Variants in EML5 observed in about 807,000 individuals in gnomAD.
EML5 encodes echinoderm microtubule-associated protein-like 5.
In EML5, 120 loss-of-function variants were observed where a neutral mutation model predicts 250.0. The ratio of observed to expected loss-of-function variants is 0.48; its 90% CI spans 0.41 to 0.56. The LOEUF is 0.56. Ranked by LOEUF, EML5 falls within the 20% of genes least tolerant of loss-of-function variation. The pLI is 0.00. For missense variants in EML5, 2,006 were observed against 2,437.6 expected (o/e 0.82, Z 3.73); for synonymous variants, 771 against 806.5 (o/e 0.96, Z 0.75).
chr14:88,694,550 T>C (rs2093032395), intron 16 of EML5, 143 bp from the exon 17 acceptor site: 2 of 623,764 alleles, frequency 3.2e-6, no homozygotes, highest in Admixed American at 6.3e-5. Context: ...TGTGTATTTG[T>C]TCTTTTGTCA....
At chr14:88,634,876 G>C (rs1278548815) in intron 32 of EML5, among the ~76,000 whole-genome samples, 1 of 152,158 alleles carries the variant, frequency 6.6e-6, no homozygotes, top group Non-Finnish European at 1.5e-5. Flanking sequence ...CTCAAGAAAG[G>C]AAACAAGTTC....
rs767580041 is a variant in EML5 at position 88,661,692 on chromosome 14, C to T, written c.3637G>A (p.Asp1213Asn). 6 of 1,613,196 alleles carry T rather than the reference C, an allele frequency of 3.7e-6. No homozygotes were observed. The highest frequency in any genetic ancestry group is 3.3e-4 in the Middle Eastern group (2 of 6,054). ...SDKMVLATGD[D>N]LGFVKLFRYP... is the part of the protein sequence containing the mutation. ...CTAAATAACTTCACAAATCCCAAATCGTCCCCGGTAGCTAGAACCATTTTG... is the reference window on the plus strand; with the variant it reads ...CTAAATAACTTCACAAATCCCAAATTGTCCCCGGTAGCTAGAACCATTTTG... Residue 1213 changes from aspartate to asparagine, a missense_variant, in exon 25 of 44, where the codon GAT (aspartate) becomes AAT (asparagine). By Grantham distance (23) the Asp-to-Asn change is conservative. This residue lies in a region of EML5 where 1,375 missense variants were observed against 1,590.3 expected (regional missense o/e 0.86). Coordinates refer to ENST00000554922, the MANE Select transcript of EML5 (RefSeq NM_183387.3).
chr14:88,730,954 CG>C (rs879497126), intron 7 of EML5, among the ~76,000 whole-genome samples: 20 of 152,176 alleles, frequency 1.3e-4, no homozygotes, highest in Admixed American at 4.6e-4. Context: ...AAGACTCTCT[CG>C]TTTTTTTTAA....
At chr14:88,634,191 C>G in intron 33 of EML5, among the ~76,000 whole-genome samples, 1 of 151,980 alleles carries the variant, frequency 6.6e-6, no homozygotes, top group Non-Finnish European at 1.5e-5. Context: ...ACGTGTAGTA[C>G]CTCCCCTTTC....
intron 1 of EML5, among the ~76,000 whole-genome samples, chr14:88,778,935 T>G (rs952723530): frequency 4.6e-5 from 7 of 152,234 alleles, no homozygotes; most frequent in Non-Finnish European, 7.3e-5. Flanking sequence ...TATTAGTTTT[T>G]GGGGTTTCTT....
At chr14:88,692,066 T>C (rs2092970891) in intron 17 of EML5, among the ~76,000 whole-genome samples, 1 of 152,116 alleles carries the variant, frequency 6.6e-6, no homozygotes, top group Admixed American at 6.6e-5. Context: ...AAAATGTGGA[T>C]TGAAAATATT....
At chr14:88,661,158 A>G (rs2092086621) in intron 25 of EML5, among the ~76,000 whole-genome samples, 1 of 152,192 alleles carries the variant, frequency 6.6e-6, no homozygotes, top group Admixed American at 6.5e-5. Flanking sequence ...ACATGACCAC[A>G]GCTCACTGTA....
chr14:88,792,605 C>A lies in EML5; in HGVS notation c.-102G>T. 1 of 1,181,562 alleles carries A rather than the reference C, an allele frequency of 8.5e-7. No individual in the cohort carries two copies. Among genetic ancestry groups the A allele is most frequent in the South Asian group, 4.2e-5 (1 of 23,918 alleles). The allele number at this position is 1,181,562 out of a possible 1,614,324, so 73.2% of individuals were successfully genotyped here. On this transcript the variant is annotated 5_prime_UTR_variant, in exon 1 of 44. Coordinates refer to ENST00000554922, the MANE Select transcript of EML5 (RefSeq NM_183387.3). The surrounding 1 kb of genome is among the most constrained non-coding windows in gnomAD (Gnocchi z 6.9). The stretch of plus-strand genomic sequence containing the variant: ...CCTCCCGCTGGCTGCCGGGACTTCC[C>A]GCCAGCCGCGTCCTCTAAGCCGCGC...
chr14:88,792,936 C>T lies in EML5; in HGVS notation c.-433G>A, dbSNP rs1246922495. ...GCCTGGCGGACCCGCGCCGCGCACC[C>T]CGAAACCGAGCGAGCCGAGCCGAGC... On this transcript the variant is annotated 5_prime_UTR_variant, in exon 1 of 44. Coordinates refer to ENST00000554922, the MANE Select transcript of EML5 (RefSeq NM_183387.3). This position sits in a 1 kb window ranked among gnomAD's most constrained non-coding sequence, Gnocchi z 6.9. Among the ~76,000 whole-genome samples the T allele has an allele frequency of 1.3e-5, 2 of 149,224 alleles. No individual in the cohort carries two copies. The highest frequency in any genetic ancestry group is 3.0e-5 in the Non-Finnish European group (2 of 67,758).
chr14:88,667,704 T>C (rs1422834265), intron 21 of EML5, among the ~76,000 whole-genome samples: 3 of 152,206 alleles, frequency 2.0e-5, no homozygotes, highest in Non-Finnish European at 2.9e-5. Flanking sequence ...TGTGCTGTTT[T>C]ACTAACAGAG....
intron 21 of EML5, among the ~76,000 whole-genome samples, chr14:88,669,071 C>G (rs535649842): frequency 6.6e-6 from 1 of 152,328 alleles, no homozygotes; most frequent in South Asian, 2.1e-4. Context: ...GGGAGCTGCA[C>G]AGGACAAGGG....
chr14:88,720,847 C>CT (rs1339204758), intron 8 of EML5, among the ~76,000 whole-genome samples: 1 of 152,080 alleles, frequency 6.6e-6, no homozygotes, highest in Non-Finnish European at 1.5e-5. Context: ...TCTTTATTTG[C>CT]AGATGACATG....
chr14:88,696,411 T>A (rs1015332289), intron 15 of EML5, among the ~76,000 whole-genome samples: 7 of 152,156 alleles, frequency 4.6e-5, no homozygotes, highest in African/African-American at 1.7e-4. Context: ...TTTAAAATTG[T>A]CACTGTATAA....
intron 1 of EML5, among the ~76,000 whole-genome samples, chr14:88,756,504 A>G (rs1301607927): frequency 1.3e-5 from 2 of 152,190 alleles, no homozygotes; most frequent in Non-Finnish European, 2.9e-5. Context: ...GCCAAGAAAA[A>G]TAGGCCAGGA....
At chr14:88,619,960 C>G (rs1024959564) in intron 39 of EML5, 1 of 152,342 alleles carries the variant, frequency 6.6e-6, no homozygotes, top group Non-Finnish European at 1.5e-5. Flanking sequence ...CCACCGCGCC[C>G]GGCCTGAAGA....
chr14:88,791,232 C>T (rs1027703804), intron 1 of EML5, among the ~76,000 whole-genome samples: 6 of 152,194 alleles, frequency 3.9e-5, no homozygotes, highest in African/African-American at 1.4e-4. Context: ...GCCTACAAGA[C>T]TTCAAACCAA....
chr14:88,655,845 G>C (rs1284337846), intron 27 of EML5, among the ~76,000 whole-genome samples: 2 of 152,140 alleles, frequency 1.3e-5, no homozygotes, highest in Non-Finnish European at 2.9e-5. Flanking sequence ...AGATATTTAT[G>C]TGGCCAAAAA....
At chr14:88,685,327 T>C (rs531885135) in intron 19 of EML5, among the ~76,000 whole-genome samples, 185 bp from the exon 20 acceptor site, 2 of 152,332 alleles carry the variant, frequency 1.3e-5, no homozygotes, top group South Asian at 2.1e-4. Flanking sequence ...TCTAAATAAG[T>C]ACCACCTATG....
At chr14:88,628,932 A>G (rs943435844) in intron 33 of EML5, among the ~76,000 whole-genome samples, 7 of 152,112 alleles carry the variant, frequency 4.6e-5, no homozygotes, top group South Asian at 2.1e-4. Context: ...AAAGTTTATC[A>G]TATAATAAAA....
Sources: allele counts gnomAD v4.1 joint callset (sites outside exome capture counted in the v4.1 genomes callset), GRCh38; gene constraint gnomAD v4.1.1; regional missense constraint gnomAD v4.1.1; non-coding constraint Gnocchi (gnomAD v3.1); transcripts MANE v1.5; gene names NCBI Gene and HGNC (gene_info 2026-07-23, HGNC 2026-07-21).